ZMAT4: variants seen among roughly 807,000 people sequenced by gnomAD.
The protein encoded by ZMAT4 is zinc finger matrin-type protein 4.
Under a neutral mutation model 28.7 loss-of-function variants are expected in ZMAT4, and 17 were observed. The observed-to-expected ratio is 0.59, with a 90% CI of 0.41 to 0.89. The LOEUF (loss-of-function observed/expected upper bound fraction) is 0.89. ZMAT4 is among the 40% of genes least tolerant of loss of function. ZMAT4 has a pLI of 0.00. For synonymous variants in ZMAT4, 117 were observed against 109.2 expected (o/e 1.07, Z -0.44); for missense variants, 240 against 283.8 (o/e 0.85, Z 1.11).
intron 1 of ZMAT4, among the ~76,000 whole-genome samples, chr8:40,828,189 G>T (rs944543580): frequency 5.9e-5 from 9 of 152,344 alleles, no homozygotes; most frequent in Non-Finnish European, 1.2e-4. Flanking sequence ...TGTAAATGAA[G>T]AAAAGATGTT....
At chr8:40,660,923 T>A (rs1470173003) in intron 5 of ZMAT4, among the ~76,000 whole-genome samples, 1 of 152,202 alleles carries the variant, frequency 6.6e-6, no homozygotes, top group Non-Finnish European at 1.5e-5. Context: ...GCCTCGGAAA[T>A]CACAATGATA....
Position 40,647,403 on chromosome 8 carries a change from C to G in ZMAT4, c.577+27301G>C, listed in dbSNP as rs562089604. On this transcript the variant is annotated intron_variant, in intron 5 of 6. Coordinates refer to ENST00000297737, the MANE Select transcript of ZMAT4 (RefSeq NM_024645.3). ...CACGGCGCACCACAAGATTATATCCCGCACCTGGCTCGGAGGGTCCTACAC... is the reference window on the plus strand; with the variant it reads ...CACGGCGCACCACAAGATTATATCCGGCACCTGGCTCGGAGGGTCCTACAC... Among the ~76,000 whole-genome samples the G allele has an allele frequency of 1.3e-5, 2 of 152,208 alleles. 1 individual carries two copies. Among genetic ancestry groups the G allele is most frequent in the South Asian group, 4.1e-4 (2 of 4,838 alleles).
intron 3 of ZMAT4, among the ~76,000 whole-genome samples, chr8:40,714,007 A>G (rs1365822026): frequency 6.6e-6 from 1 of 151,980 alleles, no homozygotes; most frequent in African/African-American, 2.4e-5. Context: ...TATAAAAAAG[A>G]TCAATTTTAC....
intron 3 of ZMAT4, among the ~76,000 whole-genome samples, chr8:40,743,167 T>C (rs1221815023): frequency 6.6e-6 from 1 of 152,068 alleles, no homozygotes. Flanking sequence ...ATAAATACAT[T>C]TATTTATTTT....
At chr8:40,623,973 C>T (rs1469989254) in intron 5 of ZMAT4, among the ~76,000 whole-genome samples, 1 of 152,100 alleles carries the variant, frequency 6.6e-6, no homozygotes, top group African/African-American at 2.4e-5. Context: ...TGGTCTATAC[C>T]TGTGGAGGAG....
At chr8:40,811,115 C>T (rs536250605) in intron 2 of ZMAT4, among the ~76,000 whole-genome samples, 2 of 152,108 alleles carry the variant, frequency 1.3e-5, no homozygotes. Context: ...TAATAATATA[C>T]CTTACGGTGG....
At chr8:40,793,890 G>C (rs1814470128) in intron 2 of ZMAT4, among the ~76,000 whole-genome samples, 1 of 152,144 alleles carries the variant, frequency 6.6e-6, no homozygotes, top group Non-Finnish European at 1.5e-5. Context: ...GCACATATTT[G>C]TGTATTTTCT....
rs184127481 is a variant in ZMAT4, at chr8:40,670,306, C to A, written c.577+4398G>T. On this transcript the variant is annotated intron_variant, in intron 5 of 6. Coordinates refer to ENST00000297737, the MANE Select transcript of ZMAT4 (RefSeq NM_024645.3). Reference sequence around the variant, plus strand: ...GATGAGGAAAAGTAAATATTTTCTGCAACTTTCTGTAACAACTGTGTAAAT... The same window carrying A: ...GATGAGGAAAAGTAAATATTTTCTGAAACTTTCTGTAACAACTGTGTAAAT... Among the ~76,000 whole-genome samples the A allele has an allele frequency of 3.3e-4, 50 of 152,264 alleles. 1 individual carries two copies. The highest frequency in any genetic ancestry group is 1.1e-3 in the African/African-American group (46 of 41,562).
intron 2 of ZMAT4, among the ~76,000 whole-genome samples, chr8:40,782,477 T>C (rs1253602545): frequency 1.3e-5 from 2 of 152,194 alleles, no homozygotes; most frequent in Non-Finnish European, 2.9e-5. Context: ...TTTCAAATCA[T>C]GTATCTGTTA....
chr8:40,592,734 T>A (rs1481714557), intron 5 of ZMAT4, among the ~76,000 whole-genome samples: 3 of 152,168 alleles, frequency 2.0e-5, no homozygotes, highest in Non-Finnish European at 4.4e-5. Flanking sequence ...ACACAGTAGA[T>A]CATTCTAAAT....
At chr8:40,826,118 G>A (rs1816029826) in intron 1 of ZMAT4, among the ~76,000 whole-genome samples, 1 of 152,070 alleles carries the variant, frequency 6.6e-6, no homozygotes, top group African/African-American at 2.4e-5. Context: ...TCTTAAAAAG[G>A]ATTTATGTGA....
intron 2 of ZMAT4, among the ~76,000 whole-genome samples, chr8:40,823,386 C>T (rs1396053049): frequency 6.6e-6 from 1 of 152,144 alleles, no homozygotes; most frequent in Non-Finnish European, 1.5e-5. Flanking sequence ...TGGCCGGACA[C>T]GGTGGCTCGC....
intron 4 of ZMAT4, among the ~76,000 whole-genome samples, chr8:40,682,976 CA>C (rs768577184): frequency 4.6e-5 from 7 of 152,062 alleles, no homozygotes; most frequent in Non-Finnish European, 1.0e-4. Flanking sequence ...CAAAAGAATC[CA>C]AAGGCTGTAA....
intron 1 of ZMAT4, among the ~76,000 whole-genome samples, chr8:40,854,581 C>T (rs774043317): frequency 2.3e-4 from 35 of 152,276 alleles, no homozygotes; most frequent in Non-Finnish European, 4.7e-4. Context: ...TCCAGTCTTT[C>T]GGCAGAGTTA....
intron 2 of ZMAT4, among the ~76,000 whole-genome samples, chr8:40,773,313 G>A (rs1399222614): frequency 2.0e-5 from 3 of 152,188 alleles, no homozygotes; most frequent in Admixed American, 6.5e-5. Context: ...ACCCCGAGGT[G>A]CCAGGTCCCA....
At chr8:40,552,253 C>A (rs552587656) in intron 6 of ZMAT4, among the ~76,000 whole-genome samples, 5 of 152,248 alleles carry the variant, frequency 3.3e-5, no homozygotes, top group Middle Eastern at 3.4e-3. Context: ...AATGTACACC[C>A]TTTAGGTCAT....
chr8:40,847,231 C>T (rs1433240010), intron 1 of ZMAT4, among the ~76,000 whole-genome samples: 6 of 139,264 alleles, frequency 4.3e-5, no homozygotes, highest in Admixed American at 3.6e-4. Context: ...AAAAAAAAAA[C>T]TGGGGGAAAT....
chr8:40,550,860 T>C (rs1406538766), intron 6 of ZMAT4, among the ~76,000 whole-genome samples: 3 of 152,202 alleles, frequency 2.0e-5, no homozygotes, highest in South Asian at 2.1e-4. Flanking sequence ...CAGACTAATA[T>C]ACCTACTTTT....
chr8:40,651,053 C>A (rs1279881404), intron 5 of ZMAT4, among the ~76,000 whole-genome samples: 1 of 151,724 alleles, frequency 6.6e-6, no homozygotes, highest in African/African-American at 2.4e-5. Flanking sequence ...TCCTATTCAA[C>A]ATAGTGTTGG....
Sources: allele counts gnomAD v4.1 joint callset (sites outside exome capture counted in the v4.1 genomes callset), GRCh38; gene constraint gnomAD v4.1.1; transcripts MANE v1.5; gene names NCBI Gene and HGNC (gene_info 2026-07-23, HGNC 2026-07-21).